Variants in CHRM2 observed in about 807,000 individuals in gnomAD.
CHRM2 encodes muscarinic acetylcholine receptor M2.
Under a neutral mutation model 25.0 loss-of-function variants are expected in CHRM2, and 8 were observed. That is an observed-to-expected ratio of 0.32 (90% CI 0.19 to 0.58). The LOEUF (loss-of-function observed/expected upper bound fraction) is 0.58. Ranked by LOEUF, CHRM2 falls within the 20% of genes least tolerant of loss-of-function variation. The pLI is 0.88. For synonymous variants in CHRM2, 202 were observed against 205.7 expected (o/e 0.98, Z 0.15); for missense variants, 440 against 567.1 (o/e 0.78, Z 2.28).
chr7:137,001,813 G>A lies in CHRM2; in HGVS notation c.-47+9549G>A, dbSNP rs78307453. 2.5e-4 allele frequency among the ~76,000 whole-genome samples: 38 copies of A among 152,234 alleles called. No homozygotes were observed. The East Asian group carries it at 7.2e-3, about 29-fold the overall frequency. On this transcript the variant is annotated intron_variant, in intron 3 of 3. Coordinates refer to ENST00000680005, the MANE Select transcript of CHRM2 (RefSeq NM_001006630.2). ...TGTGGAATAATATTTCCAGATAAAT[G>A]TTTTATAGTAGTCACCGTATCATAA...
rs943245862 is a variant in CHRM2, at chr7:136,869,961, G to C, written c.-125+543G>C. The C allele has an allele frequency of 2.6e-5, 4 of 152,550 alleles. No homozygotes were observed. The highest frequency in any genetic ancestry group is 9.6e-5 in the African/African-American group (4 of 41,602). 9.4% of individuals were successfully genotyped at this position (152,550 alleles called of 1,614,324 possible). A position where few individuals can be genotyped will look rare whatever the true frequency, so the allele number is the denominator to read the frequency against. ...GGCTCCGCTTTCGGAGCAGCCCTTG[G>C]GCGCTGGAGAGGTTTCCCATTGCGG... On this transcript the variant is annotated intron_variant, in intron 2 of 3. Transcript: ENST00000680005. This position sits in a 1 kb window ranked among gnomAD's most constrained non-coding sequence, Gnocchi z 4.9.
chr7:136,870,294 A>G (rs1184692240), intron 2 of CHRM2: 1 of 152,322 alleles, frequency 6.6e-6, no homozygotes, highest in Non-Finnish European at 1.5e-5. Context: ...GTCCCAGGCA[A>G]TCGCCGCTAA....
chr7:136,988,748 T>A (rs1803023210), intron 2 of CHRM2, among the ~76,000 whole-genome samples: 1 of 152,150 alleles, frequency 6.6e-6, no homozygotes, highest in Non-Finnish European at 1.5e-5. Context: ...ACCAAGTGCA[T>A]CTAGATGGTG....
chr7:136,890,882 T>G (rs1432610180), intron 2 of CHRM2, among the ~76,000 whole-genome samples: 1 of 152,204 alleles, frequency 6.6e-6, no homozygotes, highest in Non-Finnish European at 1.5e-5. Context: ...TATATGTGTA[T>G]GTGTGTGTAT....
chr7:137,005,017 C>T (rs1211954287), intron 3 of CHRM2, among the ~76,000 whole-genome samples: 1 of 152,076 alleles, frequency 6.6e-6, no homozygotes, highest in Non-Finnish European at 1.5e-5. Context: ...TTCGTTGAAT[C>T]TGGTATGAAT....
chr7:137,003,497 C>T (rs1265891750), intron 3 of CHRM2, among the ~76,000 whole-genome samples: 142 of 73,180 alleles, frequency 1.9e-3, no homozygotes, highest in African/African-American at 5.9e-3. Context: ...CACACACACA[C>T]ACACACACAC....
In CHRM2 at chr7:137,019,804, T is replaced by C. The variant is rs1326392325; in HGVS notation, c.*3538T>C. 2 of 151,880 alleles carry C rather than the reference T, an allele frequency of 1.3e-5. No individual in the cohort carries two copies. The highest frequency in any genetic ancestry group is 2.9e-5 in the Non-Finnish European group (2 of 67,870). 9.4% of individuals were successfully genotyped at this position (151,880 alleles called of 1,614,324 possible). A position where few individuals can be genotyped will look rare whatever the true frequency, so the allele number is the denominator to read the frequency against. ...AAATGTACAAGCTGGATGTCCAACA[T>C]ACTCCTGCTCTTTGTTCATTTGCTT... is the stretch of plus-strand genomic sequence containing the variant. On this transcript the variant is annotated 3_prime_UTR_variant, in exon 4 of 4. Transcript: ENST00000680005.
At position 136,874,568 on chromosome 7, in the gene CHRM2, C is replaced by T. The variant is rs1234300962; in HGVS notation, c.-125+5150C>T. On this transcript the variant is annotated intron_variant, in intron 2 of 3. Coordinates refer to ENST00000680005, the MANE Select transcript of CHRM2 (RefSeq NM_001006630.2). ...CCCCCATGCCCTCCCTCTCTCTCTG[C>T]CCCCCCTCTCTCCCCTCTTCCCTCC... Among the ~76,000 whole-genome samples, 3 of 91,138 alleles carry T rather than the reference C, an allele frequency of 3.3e-5. No individual in the cohort carries two copies. The Admixed American group carries it at 4.9e-4, about 15-fold the overall frequency. The allele number at this position is 91,138 out of a possible 152,430, so 59.8% of individuals were successfully genotyped here. A position where few individuals can be genotyped will look rare whatever the true frequency, so the allele number is the denominator to read the frequency against.
intron 2 of CHRM2, among the ~76,000 whole-genome samples, chr7:136,990,027 A>T (rs923523040): frequency 1.3e-5 from 2 of 152,078 alleles, no homozygotes; most frequent in Admixed American, 6.6e-5. Flanking sequence ...ATTTACTCAG[A>T]TTATTCTCTG....
intron 2 of CHRM2, chr7:136,871,931 C>T (rs114736656): frequency 1.4e-3 from 213 of 152,276 alleles, no homozygotes; most frequent in African/African-American, 4.9e-3. Context: ...AAAATGTGTT[C>T]CAGTTGCAGC....
chr7:136,937,382 CA>C (rs1216146939), intron 2 of CHRM2, among the ~76,000 whole-genome samples: 1 of 152,012 alleles, frequency 6.6e-6, no homozygotes, highest in East Asian at 1.9e-4. Context: ...TTCTAATATG[CA>C]AATTATTTTT....
intron 2 of CHRM2, among the ~76,000 whole-genome samples, chr7:136,970,011 A>G (rs1365068662): frequency 6.6e-6 from 1 of 152,134 alleles, no homozygotes; most frequent in Non-Finnish European, 1.5e-5. Flanking sequence ...GTATACTTGC[A>G]TGGAAGAGTT....
chr7:136,982,853 TTCTC>T (rs917921983), intron 2 of CHRM2, among the ~76,000 whole-genome samples: 3 of 152,192 alleles, frequency 2.0e-5, no homozygotes, highest in Admixed American at 2.0e-4. Context: ...AATGTGACCT[TTCTC>T]TCTGCTGCCC....
intron 2 of CHRM2, among the ~76,000 whole-genome samples, chr7:136,935,215 G>A (rs201772154): frequency 4.9e-5 from 1 of 20,450 alleles, no homozygotes; most frequent in African/African-American, 2.4e-4. Context: ...CTCCTGTTCA[G>A]GGGGGTAAAC....
At chr7:136,967,612 C>T (rs1359045241) in intron 2 of CHRM2, among the ~76,000 whole-genome samples, 3 of 152,008 alleles carry the variant, frequency 2.0e-5, no homozygotes, top group Admixed American at 2.0e-4. Context: ...GCCCTTCCAA[C>T]TTGAGGACTG....
intron 2 of CHRM2, among the ~76,000 whole-genome samples, chr7:136,956,928 C>T (rs965408928): frequency 7.2e-5 from 11 of 152,140 alleles, no homozygotes; most frequent in African/African-American, 1.7e-4. Flanking sequence ...TTAGCAAACA[C>T]GCTTGAAGGC....
At chr7:137,009,932 C>T (rs774580565) in intron 3 of CHRM2, among the ~76,000 whole-genome samples, 12 of 152,002 alleles carry the variant, frequency 7.9e-5, no homozygotes, top group Non-Finnish European at 4.4e-5. Context: ...AGCTGATACA[C>T]ACACATACAC....
Position 137,003,398 on chromosome 7 carries a change from TTTC to T in CHRM2, c.-47+11137_-47+11139del, listed in dbSNP as rs759095114. On this transcript the variant is annotated intron_variant, in intron 3 of 3. Coordinates refer to ENST00000680005, the MANE Select transcript of CHRM2 (RefSeq NM_001006630.2). ...TTTAGAAGAACAGAGACATTCTTTC[TTTC>T]TTTTCTTCTTATATGTTATTACCCT... Among the ~76,000 whole-genome samples the T allele has an allele frequency of 9.9e-4, 151 of 152,048 alleles. 1 individual carries two copies. Among genetic ancestry groups the T allele is most frequent in the African/African-American group, 3.6e-3 (148 of 41,494 alleles).
At chr7:137,005,275 T>C (rs1804346913) in intron 3 of CHRM2, among the ~76,000 whole-genome samples, 1 of 152,164 alleles carries the variant, frequency 6.6e-6, no homozygotes. Flanking sequence ...GGCATTTTAA[T>C]GAAAAGAGCA....
Sources: allele counts gnomAD v4.1 joint callset (sites outside exome capture counted in the v4.1 genomes callset), GRCh38; gene constraint gnomAD v4.1.1; non-coding constraint Gnocchi (gnomAD v3.1); transcripts MANE v1.5; gene names NCBI Gene and HGNC (gene_info 2026-07-23, HGNC 2026-07-21).